GRID2: variants seen among roughly 807,000 people sequenced by gnomAD.
GRID2 encodes glutamate receptor ionotropic, delta-2.
In GRID2, 33 loss-of-function variants were observed where a neutral mutation model predicts 114.8. That is an observed-to-expected ratio of 0.29 (90% CI 0.22 to 0.38). The LOEUF (loss-of-function observed/expected upper bound fraction) is 0.38, where lower values mean the gene tolerates loss of function less well. GRID2 is among the 10% of genes least tolerant of loss of function. The pLI is 1.00. For missense variants in GRID2, 1,184 were observed against 1,257.7 expected (o/e 0.94, Z 0.89); for synonymous variants, 505 against 449.9 (o/e 1.12, Z -1.55).
At chr4:92,784,503 A>G (rs980410778) in intron 2 of GRID2, among the ~76,000 whole-genome samples, 27 of 151,966 alleles carry the variant, frequency 1.8e-4, no homozygotes, top group African/African-American at 5.8e-4. Flanking sequence ...TCATGAGTAT[A>G]TACTTTTACT....
intron 1 of GRID2, among the ~76,000 whole-genome samples, chr4:92,346,985 A>AT (rs1371021149): frequency 1.3e-5 from 2 of 152,032 alleles, no homozygotes; most frequent in Non-Finnish European, 2.9e-5. Context: ...AATGTTTCAC[A>AT]TTTTTTCTCT....
At chr4:93,076,835 C>T (rs1729368821) in intron 2 of GRID2, among the ~76,000 whole-genome samples, 1 of 151,964 alleles carries the variant, frequency 6.6e-6, no homozygotes, top group Non-Finnish European at 1.5e-5. Flanking sequence ...TCAGGCTGGT[C>T]TCGAACTCCT....
intron 8 of GRID2, among the ~76,000 whole-genome samples, chr4:93,281,187 G>A (rs180917865): frequency 1.3e-5 from 2 of 151,918 alleles, no homozygotes; most frequent in East Asian, 3.9e-4. Flanking sequence ...ACTAGAGAAG[G>A]CCTCAGAGAA....
chr4:92,615,758 G>C (rs538559532), intron 2 of GRID2, among the ~76,000 whole-genome samples: 5 of 151,188 alleles, frequency 3.3e-5, no homozygotes, highest in Admixed American at 3.3e-4. Flanking sequence ...TTCCTTATTA[G>C]TTTTTGTACT....
intron 2 of GRID2, among the ~76,000 whole-genome samples, chr4:92,997,045 T>A (rs1298992954): frequency 6.6e-6 from 1 of 152,218 alleles, no homozygotes; most frequent in African/African-American, 2.4e-5. Flanking sequence ...TTGATGATTA[T>A]CAAAAAGCAT....
intron 1 of GRID2, among the ~76,000 whole-genome samples, chr4:92,422,003 T>C (rs1731933033): frequency 6.6e-6 from 1 of 152,090 alleles, no homozygotes; most frequent in Non-Finnish European, 1.5e-5. Context: ...GGAAAAATAA[T>C]TAAGCAGAGA....
chr4:93,769,245 T>G lies in GRID2; in HGVS notation c.2396T>G (p.Ile799Ser), dbSNP rs1352657647. The change falls in exon 15 of 16, where the codon ATC (isoleucine) becomes AGC (serine). Residue 799 changes from isoleucine (I) to serine (S), a missense_variant. By Grantham distance (142) the Ile-to-Ser change is moderately radical. Transcript: ENST00000282020. Reference sequence around the variant, plus strand: ...CTTCAGCAGAATGGTGACATGGACATCCTGAAGCACAAATGGTGGCCTAAG... The same window carrying G: ...CTTCAGCAGAATGGTGACATGGACAGCCTGAAGCACAAATGGTGGCCTAAG... Reference protein sequence around the residue: ...LELQQNGDMDILKHKWWPKNG... With the variant: ...LELQQNGDMDSLKHKWWPKNG... The G allele has an allele frequency of 6.2e-7, 1 of 1,614,002 alleles. No individual in the cohort carries two copies. Among genetic ancestry groups the G allele is most frequent in the Non-Finnish European group, 8.5e-7 (1 of 1,179,840 alleles).
intron 2 of GRID2, among the ~76,000 whole-genome samples, chr4:92,983,111 G>A (rs893477452): frequency 6.6e-6 from 1 of 152,102 alleles, no homozygotes; most frequent in South Asian, 2.1e-4. Context: ...CTATCTGGGA[G>A]TGGATGGAGA....
At chr4:92,649,840 T>C (rs1322163348) in intron 2 of GRID2, among the ~76,000 whole-genome samples, 1 of 151,994 alleles carries the variant, frequency 6.6e-6, no homozygotes, top group African/African-American at 2.4e-5. Context: ...TAACAATAAC[T>C]AAGTAGAGAT....
chr4:93,564,117 G>C (rs756635324), intron 13 of GRID2, among the ~76,000 whole-genome samples: 127 of 151,888 alleles, frequency 8.4e-4, no homozygotes, highest in Non-Finnish European at 1.2e-3. Context: ...TAATAAAAAA[G>C]GTAGAAGATA....
chr4:92,956,722 A>G (rs1258848649), intron 2 of GRID2, among the ~76,000 whole-genome samples: 1 of 152,172 alleles, frequency 6.6e-6, no homozygotes, highest in East Asian at 1.9e-4. Flanking sequence ...TTCATTTTCT[A>G]AGAAGCTGCC....
chr4:93,339,062 G>T (rs1343302612), intron 8 of GRID2, among the ~76,000 whole-genome samples: 1 of 152,166 alleles, frequency 6.6e-6, no homozygotes, highest in African/African-American at 2.4e-5. Flanking sequence ...AGGGTCTGAG[G>T]CCTTCTGCCA....
At chr4:92,478,030 T>G (rs930212613) in intron 1 of GRID2, among the ~76,000 whole-genome samples, 3 of 151,518 alleles carry the variant, frequency 2.0e-5, no homozygotes, top group Non-Finnish European at 4.4e-5. Flanking sequence ...CATAAGCAAA[T>G]GAGGAAACGG....
chr4:93,255,918 T>A (rs1473885583), intron 8 of GRID2, among the ~76,000 whole-genome samples: 1 of 152,068 alleles, frequency 6.6e-6, no homozygotes, highest in East Asian at 1.9e-4. Context: ...CTCTATATAA[T>A]TACAGTTTTA....
chr4:92,644,913 C>G (rs915393228), intron 2 of GRID2, among the ~76,000 whole-genome samples: 1 of 151,200 alleles, frequency 6.6e-6, no homozygotes, highest in Admixed American at 6.6e-5. Context: ...TTCCCTTTAT[C>G]TCTTTTTTTT....
intron 13 of GRID2, among the ~76,000 whole-genome samples, chr4:93,608,043 CATAT>C (rs59824778): frequency 1.4e-5 from 2 of 146,212 alleles, no homozygotes; most frequent in Non-Finnish European, 1.5e-5. Context: ...TCTAACTTTA[CATAT>C]ATATATATAT....
intron 2 of GRID2, among the ~76,000 whole-genome samples, chr4:92,959,675 A>G: frequency 6.6e-6 from 1 of 152,190 alleles, no homozygotes; most frequent in Non-Finnish European, 1.5e-5. Context: ...CAATGCAGCC[A>G]TAAAAAAGGA....
At chr4:92,643,721 A>T (rs942003854) in intron 2 of GRID2, among the ~76,000 whole-genome samples, 9 of 151,776 alleles carry the variant, frequency 5.9e-5, no homozygotes, top group Non-Finnish European at 1.3e-4. Flanking sequence ...GGCTTCCCAA[A>T]GTGCTAGGAA....
At chr4:92,748,295 C>T (rs1407619887) in intron 2 of GRID2, among the ~76,000 whole-genome samples, 2 of 152,024 alleles carry the variant, frequency 1.3e-5, no homozygotes, top group Non-Finnish European at 2.9e-5. Context: ...AATGAAAAAA[C>T]AAGCAAGGAA....
Sources: gnomAD v4.1 joint callset for allele counts (sites outside exome capture counted in the v4.1 genomes callset) on GRCh38, gnomAD v4.1.1 for gene constraint, MANE v1.5 for transcripts, NCBI Gene and HGNC (gene_info 2026-07-23, HGNC 2026-07-21) for gene names.